The following CCSER1 variants were observed in gnomAD, a reference collection of about 807,000 sequenced individuals.
CCSER1 encodes the protein coiled-coil serine rich protein 1.
In CCSER1, 41 loss-of-function variants were observed where a neutral mutation model predicts 82.0. The observed-to-expected ratio is 0.50, with a 90% CI of 0.39 to 0.65. The LOEUF (loss-of-function observed/expected upper bound fraction) is 0.65. CCSER1 is among the 30% of genes least tolerant of loss of function. The probability of loss-of-function intolerance (pLI) is 0.00; values close to 1 mark genes in which losing one functional copy is unlikely to be tolerated. For missense variants in CCSER1, 1,119 were observed against 1,064.2 expected (o/e 1.05, Z -0.72); for synonymous variants, 414 against 383.9 (o/e 1.08, Z -0.92).
At chr4:91,458,189 G>A (rs1019720864) in intron 10 of CCSER1, among the ~76,000 whole-genome samples, 10 of 152,110 alleles carry the variant, frequency 6.6e-5, no homozygotes, top group Admixed American at 2.0e-4. Flanking sequence ...AGAGAGATAG[G>A]GGTGTACTTT....
intron 9 of CCSER1, among the ~76,000 whole-genome samples, chr4:91,082,163 T>TA (rs1428168633): frequency 6.6e-6 from 1 of 152,142 alleles, no homozygotes; most frequent in Admixed American, 6.5e-5. Context: ...GACTTCAAAG[T>TA]ATACTACAAG....
intron 10 of CCSER1, among the ~76,000 whole-genome samples, chr4:91,389,538 C>G (rs1751522271): frequency 6.6e-6 from 1 of 151,776 alleles, no homozygotes; most frequent in African/African-American, 2.4e-5. Flanking sequence ...TTTTTTTTCC[C>G]TTCAATATTG....
intron 7 of CCSER1, 37 bp from the exon 8 acceptor site, chr4:90,815,725 C>A (rs1274287122): frequency 6.8e-7 from 1 of 1,470,456 alleles, no homozygotes; most frequent in Non-Finnish European, 9.3e-7. Context: ...AGTAAAAGGG[C>A]TAAGCCTATT....
intron 6 of CCSER1, among the ~76,000 whole-genome samples, chr4:90,670,145 G>T (rs549025279): frequency 6.6e-6 from 1 of 152,206 alleles, no homozygotes; most frequent in South Asian, 2.1e-4. Context: ...CTTTTAATGA[G>T]ATGGAATCTA....
chr4:90,544,866 CA>C (rs1425380171), intron 5 of CCSER1, among the ~76,000 whole-genome samples: 1 of 152,086 alleles, frequency 6.6e-6, no homozygotes, highest in African/African-American at 2.4e-5. Flanking sequence ...TTATTTATTA[CA>C]ATTCTTAGAA....
At chr4:91,383,001 T>A (rs1237910078) in intron 10 of CCSER1, among the ~76,000 whole-genome samples, 1 of 106,936 alleles carries the variant, frequency 9.4e-6, no homozygotes, top group African/African-American at 3.5e-5. Context: ...TCATTATCAT[T>A]TTTTTTTTTT....
chr4:90,669,745 T>C (rs1732454850), intron 6 of CCSER1, among the ~76,000 whole-genome samples: 1 of 152,026 alleles, frequency 6.6e-6, no homozygotes, highest in East Asian at 1.9e-4. Context: ...GAAAAAAATG[T>C]GAAGGAGAGG....
At chr4:91,243,933 T>G (rs185103421) in intron 10 of CCSER1, among the ~76,000 whole-genome samples, 38 of 152,256 alleles carry the variant, frequency 2.5e-4, no homozygotes, top group Middle Eastern at 3.4e-3. Flanking sequence ...AGCTTGGCTA[T>G]AGTAGGGTAG....
At chr4:90,429,169 A>G (rs947058169) in intron 4 of CCSER1, among the ~76,000 whole-genome samples, 1 of 151,886 alleles carries the variant, frequency 6.6e-6, no homozygotes, top group Admixed American at 6.6e-5. Context: ...AAGTCTATTA[A>G]TGTAAAGAAA....
At chr4:91,186,369 A>C (rs1734533714) in intron 10 of CCSER1, among the ~76,000 whole-genome samples, 1 of 152,138 alleles carries the variant, frequency 6.6e-6, no homozygotes, top group African/African-American at 2.4e-5. Flanking sequence ...TCCCATGATT[A>C]ACCTGATGCT....
intron 10 of CCSER1, among the ~76,000 whole-genome samples, chr4:91,466,611 T>G (rs1756925293): frequency 6.6e-6 from 1 of 152,180 alleles, no homozygotes; most frequent in Non-Finnish European, 1.5e-5. Flanking sequence ...AACCCCATCA[T>G]CTCAGCCCAA....
chr4:90,817,172 G>T (rs59332205), intron 8 of CCSER1, among the ~76,000 whole-genome samples: 3 of 151,316 alleles, frequency 2.0e-5, no homozygotes, highest in Non-Finnish European at 2.9e-5. Flanking sequence ...GCTTTTTTAC[G>T]TTGCATACAA....
intron 1 of CCSER1, among the ~76,000 whole-genome samples, chr4:90,222,528 A>G (rs1312223545): frequency 1.3e-5 from 2 of 152,308 alleles, no homozygotes; most frequent in South Asian, 2.1e-4. Context: ...CTAAATGACA[A>G]TATGGGAATT....
intron 5 of CCSER1, among the ~76,000 whole-genome samples, chr4:90,579,591 C>T (rs1291423031): frequency 2.0e-5 from 3 of 152,116 alleles, no homozygotes; most frequent in African/African-American, 7.2e-5. Flanking sequence ...TCCATACCTC[C>T]TTGCACTCAT....
chr4:91,407,414 T>C (rs940375074), intron 10 of CCSER1, among the ~76,000 whole-genome samples: 34 of 152,158 alleles, frequency 2.2e-4, no homozygotes, highest in African/African-American at 7.7e-4. Context: ...TACAAATAAG[T>C]TCCTAAGAGT....
chr4:91,527,808 T>C (rs954403639), intron 10 of CCSER1, among the ~76,000 whole-genome samples: 22 of 152,134 alleles, frequency 1.4e-4, no homozygotes, highest in African/African-American at 4.3e-4. Context: ...CTGCAGGTAA[T>C]ACAAGAGGGA....
chr4:91,031,637 CT>C (rs1740992734), intron 9 of CCSER1, among the ~76,000 whole-genome samples: 2 of 152,000 alleles, frequency 1.3e-5, no homozygotes, highest in South Asian at 4.1e-4. Context: ...CCATTGAAGT[CT>C]TTTAGGCCAC....
At chr4:90,250,303 C>T (rs906484982) in intron 1 of CCSER1, among the ~76,000 whole-genome samples, 2 of 152,000 alleles carry the variant, frequency 1.3e-5, no homozygotes, top group African/African-American at 4.8e-5. Context: ...TTTTGTTTAA[C>T]TCAAAGTTGT....
In CCSER1 at chr4:90,661,052, G is replaced by A. The variant is rs114109086; in HGVS notation, c.1932+32820G>A. On this transcript the variant is annotated intron_variant, in intron 6 of 10. Coordinates refer to ENST00000509176, the MANE Select transcript of CCSER1 (RefSeq NM_001145065.2). Reference sequence around the variant, plus strand: ...GTTTCTCATGGTGCTTGCAATAAAGGAAGCAACATTCGCTTGGTTGTCTGG... The same window carrying A: ...GTTTCTCATGGTGCTTGCAATAAAGAAAGCAACATTCGCTTGGTTGTCTGG... 1.4e-3 allele frequency among the ~76,000 whole-genome samples: 218 copies of A among 152,284 alleles called. 2 individuals carry two copies. In the East Asian group the frequency reaches 0.023, roughly 16 times the overall value.
Sources: gnomAD v4.1 joint callset for allele counts (sites outside exome capture counted in the v4.1 genomes callset) on GRCh38, gnomAD v4.1.1 for gene constraint, MANE v1.5 for transcripts, NCBI Gene and HGNC (gene_info 2026-07-23, HGNC 2026-07-21) for gene names.